Variants in CDH18 observed in about 807,000 individuals in gnomAD.
The protein encoded by CDH18 is cadherin 18.
CDH18 carries 31 observed loss-of-function variants against 67.9 expected under a neutral mutation model. The ratio of observed to expected loss-of-function variants is 0.46; its 90% CI spans 0.34 to 0.62. The LOEUF (loss-of-function observed/expected upper bound fraction) is 0.62, where lower values mean the gene tolerates loss of function less well. Ranked by LOEUF, CDH18 falls within the 20% of genes least tolerant of loss-of-function variation. The pLI is 0.01. For missense variants in CDH18, 890 were observed against 975.5 expected, an observed-to-expected ratio of 0.91 and a Z score of 1.17; for synonymous variants, 362 against 347.2, an observed-to-expected ratio of 1.04 and a Z score of -0.48.
At chr5:20,252,136 G>A (rs191546365) in intron 2 of CDH18, among the ~76,000 whole-genome samples, 13 of 152,122 alleles carry the variant, frequency 8.5e-5, no homozygotes, top group African/African-American at 2.4e-4. Flanking sequence ...GGTGGATCAC[G>A]AGGTCAAGAG....
intron 2 of CDH18, among the ~76,000 whole-genome samples, chr5:19,879,535 G>C (rs1376071119): frequency 6.6e-6 from 1 of 151,926 alleles, no homozygotes; most frequent in Non-Finnish European, 1.5e-5. Context: ...CCTTAGGTGT[G>C]AATTAAATAG....
intron 5 of CDH18, among the ~76,000 whole-genome samples, chr5:19,676,150 G>T (rs536007957): frequency 6.6e-6 from 1 of 151,816 alleles, no homozygotes; most frequent in South Asian, 2.1e-4. Context: ...AAAAAATAAA[G>T]AATAAAAAAT....
chr5:19,920,831 T>C (rs1252273912), intron 2 of CDH18, among the ~76,000 whole-genome samples: 1 of 151,276 alleles, frequency 6.6e-6, no homozygotes, highest in Non-Finnish European at 1.5e-5. Flanking sequence ...CTTACTTTTC[T>C]CATCTCTGAA....
intron 5 of CDH18, among the ~76,000 whole-genome samples, chr5:19,664,672 C>T (rs1347299204): frequency 6.6e-6 from 1 of 151,856 alleles, no homozygotes; most frequent in African/African-American, 2.4e-5. Context: ...ATCCTGGTGC[C>T]AGTTCAGGTT....
At chr5:19,580,310 T>C (rs1015874160) in intron 7 of CDH18, among the ~76,000 whole-genome samples, 1 of 151,910 alleles carries the variant, frequency 6.6e-6, no homozygotes, top group African/African-American at 2.4e-5. Context: ...AGTTGGTTCT[T>C]TTTAATTTCT....
At chr5:19,978,741 C>T (rs9292829) in intron 2 of CDH18, among the ~76,000 whole-genome samples, 152,169 of 152,198 alleles carry the variant, frequency 1, 76,070 homozygotes, top group Middle Eastern at 1. Context: ...CAAAATCAGA[C>T]TGAGTCCTTC....
In CDH18 at chr5:19,526,056, T is replaced by G. The variant is rs149740810; in HGVS notation, c.1391-5278A>C. Among the ~76,000 whole-genome samples, 659 of 152,234 alleles carry G rather than the reference T, an allele frequency of 4.3e-3. 6 individuals carry two copies. The highest frequency in any genetic ancestry group is 0.015 in the African/African-American group (623 of 41,550). On this transcript the variant is annotated intron_variant, in intron 9 of 12. Transcript: ENST00000382275. ...TCTCAGCACTCTTCAGGAGCAGAACTTCAATAAATTATTTGCAATTTATTG... is the reference window on the plus strand; with the variant it reads ...TCTCAGCACTCTTCAGGAGCAGAACGTCAATAAATTATTTGCAATTTATTG...
Position 19,911,742 on chromosome 5 carries a change from G to A in CDH18, c.-257+69318C>T, listed in dbSNP as rs369529118. ...TAGAACTGTGAGAATTAATGTTGGTGATTTAATCCACCTACTCTGAGGTAT... is the reference window on the plus strand; with the variant it reads ...TAGAACTGTGAGAATTAATGTTGGTAATTTAATCCACCTACTCTGAGGTAT... On this transcript the variant is annotated intron_variant, in intron 2 of 12. Coordinates refer to ENST00000382275, the MANE Select transcript of CDH18 (RefSeq NM_004934.5). Among the ~76,000 whole-genome samples the A allele has an allele frequency of 1.1e-3, 165 of 152,142 alleles. 4 individuals are homozygous for A. The South Asian group carries it at 0.033, about 30-fold the overall frequency.
At chr5:20,141,079 C>T (rs1750203784) in intron 2 of CDH18, among the ~76,000 whole-genome samples, 1 of 152,156 alleles carries the variant, frequency 6.6e-6, no homozygotes, top group South Asian at 2.1e-4. Flanking sequence ...ATTTACTCTG[C>T]ATCCCCAGGA....
intron 11 of CDH18, among the ~76,000 whole-genome samples, chr5:19,499,911 G>A (rs1579830065): frequency 6.6e-6 from 1 of 152,046 alleles, no homozygotes; most frequent in Admixed American, 6.6e-5. Flanking sequence ...TCCTGGTTTC[G>A]GGGCTATGTC....
intron 9 of CDH18, among the ~76,000 whole-genome samples, chr5:19,538,650 A>G (rs1017606228): frequency 6.6e-6 from 1 of 152,150 alleles, no homozygotes; most frequent in Non-Finnish European, 1.5e-5. Flanking sequence ...ACAGGGCCAT[A>G]TTAGAATAAG....
chr5:19,996,956 C>A (rs913200797), intron 2 of CDH18, among the ~76,000 whole-genome samples: 26 of 151,858 alleles, frequency 1.7e-4, no homozygotes, highest in Admixed American at 2.6e-4. Context: ...GCTAACAAAG[C>A]AATGATCTAG....
intron 2 of CDH18, among the ~76,000 whole-genome samples, chr5:19,997,239 T>C (rs1383024381): frequency 6.6e-6 from 1 of 152,262 alleles, no homozygotes; most frequent in South Asian, 2.1e-4. Context: ...TAGAGACCTA[T>C]GCATCAGAAT....
chr5:19,686,786 A>G (rs970512290), intron 5 of CDH18, among the ~76,000 whole-genome samples: 1 of 152,166 alleles, frequency 6.6e-6, no homozygotes, highest in Non-Finnish European at 1.5e-5. Flanking sequence ...GGGACTTGTA[A>G]TTGCAACTAG....
At chr5:20,350,861 GCT>G (rs1168854280) in intron 1 of CDH18, among the ~76,000 whole-genome samples, 1 of 152,000 alleles carries the variant, frequency 6.6e-6, no homozygotes, top group East Asian at 1.9e-4. Context: ...GGTTAGAATT[GCT>G]CTTTCTTTGA....
intron 1 of CDH18, among the ~76,000 whole-genome samples, chr5:20,457,629 G>A (rs533149255): frequency 3.9e-5 from 6 of 152,144 alleles, no homozygotes; most frequent in Non-Finnish European, 8.8e-5. Context: ...TGGGGTTATA[G>A]TATGTGCTGC....
chr5:20,156,964 C>T (rs1281555801), intron 2 of CDH18, among the ~76,000 whole-genome samples: 1 of 152,132 alleles, frequency 6.6e-6, no homozygotes, highest in African/African-American at 2.4e-5. Context: ...AATACCTCCA[C>T]CAGATGCCTG....
At chr5:20,100,033 G>A (rs1354904762) in intron 2 of CDH18, among the ~76,000 whole-genome samples, 8 of 152,062 alleles carry the variant, frequency 5.3e-5, no homozygotes, top group South Asian at 2.1e-4. Flanking sequence ...TGGTCCGCCC[G>A]CCTTGGCCTC....
chr5:19,970,629 A>G (rs1797931014), intron 2 of CDH18, among the ~76,000 whole-genome samples: 1 of 151,808 alleles, frequency 6.6e-6, no homozygotes, highest in Non-Finnish European at 1.5e-5. Context: ...ACAACTATAA[A>G]AAACCTAAAT....
Sources: allele counts gnomAD v4.1 joint callset (sites outside exome capture counted in the v4.1 genomes callset), GRCh38; gene constraint gnomAD v4.1.1; transcripts MANE v1.5; gene names NCBI Gene and HGNC (gene_info 2026-07-23, HGNC 2026-07-21).